PDS5B: variants seen among roughly 807,000 people sequenced by gnomAD.
PDS5B encodes sister chromatid cohesion protein PDS5 homolog B.
PDS5B carries 51 observed loss-of-function variants against 184.1 expected under a neutral mutation model. The ratio of observed to expected loss-of-function variants is 0.28; its 90% confidence interval spans 0.22 to 0.35. PDS5B has a LOEUF of 0.35. Among genes scored for constraint, PDS5B ranks in the 10% least tolerant of loss-of-function variants. PDS5B has a pLI of 1.00. For missense variants in PDS5B, 1,180 were observed against 1,723.3 expected (o/e 0.68, Z 5.58); for synonymous variants, 566 against 569.2 (o/e 0.99, Z 0.08).
At chr13:32,730,765 A>G (rs79031197) in intron 19 of PDS5B, among the ~76,000 whole-genome samples, 1 of 152,190 alleles carries the variant, frequency 6.6e-6, no homozygotes, top group Admixed American at 6.5e-5. Context: ...ATTGGTGTAT[A>G]GGAATGCTTG....
At chr13:32,599,229 T>C (rs1461769143) in intron 1 of PDS5B, among the ~76,000 whole-genome samples, 1 of 152,156 alleles carries the variant, frequency 6.6e-6, no homozygotes, top group Non-Finnish European at 1.5e-5. Flanking sequence ...GTGAATTGTT[T>C]TTGTATTCTG....
At chr13:32,690,197 A>G (rs905780879) in intron 13 of PDS5B, 3 of 152,162 alleles carry the variant, frequency 2.0e-5, no homozygotes, top group East Asian at 1.9e-4. Flanking sequence ...ATGTAGGCCA[A>G]TATTTAGCCA....
intron 26 of PDS5B, among the ~76,000 whole-genome samples, chr13:32,756,398 G>A (rs559588322): frequency 1.3e-5 from 2 of 152,224 alleles, no homozygotes; most frequent in South Asian, 2.1e-4. Context: ...GGCCAAATTC[G>A]TAACTGGGGA....
At chr13:32,748,367 C>T (rs1034935531) in intron 24 of PDS5B, among the ~76,000 whole-genome samples, 12 of 152,106 alleles carry the variant, frequency 7.9e-5, no homozygotes, top group Admixed American at 3.9e-4. Flanking sequence ...TTATATTTGA[C>T]ACAACTCATT....
chr13:32,690,545 A>G (rs1015208171), intron 13 of PDS5B: 4 of 152,190 alleles, frequency 2.6e-5, no homozygotes, highest in African/African-American at 7.2e-5. Context: ...TATAGCTTCC[A>G]AACACAGAGG....
rs1954925791 is a variant in PDS5B at position 32,775,404 on chromosome 13, A to T, written c.*352A>T. On this transcript the variant is annotated 3_prime_UTR_variant, in exon 35 of 35. Transcript: ENST00000315596. ...CTGACAGTACCCGACTGTTTATTGG[A>T]TCTATTGATTTGAAAAGAATTTGTT... 3.1e-6 allele frequency: 1 copy of T among 321,874 alleles called. No individual in the cohort carries two copies. The highest frequency in any genetic ancestry group is 2.2e-5 in the African/African-American group (1 of 45,922). The allele number at this position is 321,874 out of a possible 1,614,324, so 19.9% of individuals were successfully genotyped here. A position where few individuals can be genotyped will look rare whatever the true frequency, so the allele number is the denominator to read the frequency against.
intron 1 of PDS5B, among the ~76,000 whole-genome samples, chr13:32,609,248 C>T (rs1238054977): frequency 6.6e-6 from 1 of 152,250 alleles, no homozygotes; most frequent in East Asian, 1.9e-4. Flanking sequence ...ACCTAAGTCA[C>T]ATTTTGTATT....
chr13:32,609,976 T>C (rs1387103210), intron 1 of PDS5B, among the ~76,000 whole-genome samples: 2 of 152,060 alleles, frequency 1.3e-5, no homozygotes, highest in African/African-American at 4.8e-5. Flanking sequence ...AAAAAGTTGA[T>C]GGAGGCAGGA....
intron 20 of PDS5B, among the ~76,000 whole-genome samples, chr13:32,732,752 A>G (rs1001045480): frequency 2.6e-5 from 4 of 152,106 alleles, no homozygotes; most frequent in African/African-American, 9.7e-5. Flanking sequence ...AGGCATTGCA[A>G]TTTTATTGCT....
At chr13:32,626,074 G>C (rs538717017) in intron 1 of PDS5B, among the ~76,000 whole-genome samples, 3 of 152,038 alleles carry the variant, frequency 2.0e-5, no homozygotes, top group African/African-American at 7.2e-5. Flanking sequence ...TCCTGACCCC[G>C]AGTGATCTAT....
intron 19 of PDS5B, among the ~76,000 whole-genome samples, chr13:32,713,904 C>T (rs1952284785): frequency 6.6e-6 from 1 of 152,170 alleles, no homozygotes; most frequent in South Asian, 2.1e-4. Flanking sequence ...GGGGAACCTG[C>T]CCCGATAATC....
Position 32,659,094 on chromosome 13 carries a change from TTAAGAG to T in PDS5B, c.498-56_498-51del, listed in dbSNP as rs1376705468. 5.4e-6 allele frequency: 7 copies of T among 1,302,282 alleles called. No individual in the cohort carries two copies. The African/African-American group carries it at 1.0e-4, about 19-fold the overall frequency. The allele number at this position is 1,302,282 out of a possible 1,614,324, so 80.7% of individuals were successfully genotyped here. A position where few individuals can be genotyped will look rare whatever the true frequency, so the allele number is the denominator to read the frequency against. ...AAGCATAATGCTTGTCAGTGTCATC[TTAAGAG>T]TAAATCCTGTATATCTCAGTTGTAA... On this transcript the variant is annotated intron_variant, in intron 5 of 34. Transcript: ENST00000315596.
intron 1 of PDS5B, among the ~76,000 whole-genome samples, chr13:32,608,649 C>T (rs2058097218): frequency 6.6e-6 from 1 of 152,124 alleles, no homozygotes; most frequent in South Asian, 2.1e-4. Flanking sequence ...GACCCATAAG[C>T]TCAAACTTGA....
intron 19 of PDS5B, among the ~76,000 whole-genome samples, chr13:32,718,770 A>G (rs1246261266): frequency 6.6e-6 from 1 of 152,270 alleles, no homozygotes. Flanking sequence ...ATGAGTATGT[A>G]AAAATCCAAA....
intron 1 of PDS5B, among the ~76,000 whole-genome samples, chr13:32,601,276 T>G (rs1020662753): frequency 6.6e-6 from 1 of 152,240 alleles, no homozygotes; most frequent in East Asian, 1.9e-4. Context: ...TTTGCTGAAT[T>G]CTATTCCACC....
chr13:32,712,189 TAGAACCACA>T, intron 19 of PDS5B, among the ~76,000 whole-genome samples: 1 of 152,374 alleles, frequency 6.6e-6, no homozygotes, highest in Non-Finnish European at 1.5e-5. Flanking sequence ...GATATATTTG[TAGAACCACA>T]AGAACAGGGT....
chr13:32,758,070 C>CTTTT lies in PDS5B; in HGVS notation c.3057-6_3057-3dup. 2 of 930,824 alleles carry CTTTT rather than the reference C, an allele frequency of 2.1e-6. No homozygotes were observed. The highest frequency in any genetic ancestry group is 1.4e-6 in the Non-Finnish European group (1 of 690,292). 57.7% of individuals were successfully genotyped at this position (930,824 alleles called of 1,614,324 possible). On this transcript the variant is annotated splice_polypyrimidine_tract_variant and intron_variant, in intron 26 of 34. Transcript: ENST00000315596. ...GATTTTCTTCTATATTTCTTTTTTC[C>CTTTT]TTTTTTTTTTTTTTAGATGTCTTTG...
chr13:32,706,279 A>AAAATAAATAAAT lies in PDS5B; in HGVS notation c.1857-619_1857-608dup, dbSNP rs60222106. Among the ~76,000 whole-genome samples the AAAATAAATAAAT allele has an allele frequency of 8.7e-4, 126 of 144,976 alleles. 1 individual carries two copies. Among genetic ancestry groups the AAAATAAATAAAT allele is most frequent in the East Asian group, 2.4e-3 (12 of 4,974 alleles). On this transcript the variant is annotated intron_variant, in intron 17 of 34. Transcript: ENST00000315596. ...GGTGACAAAGTGAAACTTCGTCTCA[A>AAAATAAATAAAT]AAATAAATAAATAAATAAATAAATA...
At position 32,675,823 on chromosome 13, in the gene PDS5B, T is replaced by C. The variant is rs199713742; in HGVS notation, c.847-21T>C. The C allele has an allele frequency of 1.5e-5, 21 of 1,424,622 alleles. No individual in the cohort carries two copies. The East Asian group carries it at 4.8e-4, about 32-fold the overall frequency. The allele number at this position is 1,424,622 out of a possible 1,614,324, so 88.2% of individuals were successfully genotyped here. A position where few individuals can be genotyped will look rare whatever the true frequency, so the allele number is the denominator to read the frequency against. ...AATATCTACTGCATGGTTTTAAAGC[T>C]GTGATTGTGTTTTATTTTAGAGCAA... On this transcript the variant is annotated intron_variant, in intron 8 of 34. Coordinates refer to ENST00000315596, the MANE Select transcript of PDS5B (RefSeq NM_015032.4).
Sources: gnomAD v4.1 joint callset for allele counts (sites outside exome capture counted in the v4.1 genomes callset) on GRCh38, gnomAD v4.1.1 for gene constraint, MANE v1.5 for transcripts, NCBI Gene and HGNC (gene_info 2026-07-23, HGNC 2026-07-21) for gene names.